Variants in CR2 observed in about 807,000 individuals in gnomAD.
CR2 encodes the protein complement C3d receptor 2, also known as complement receptor type 2.
CR2 carries 96 observed loss-of-function variants against 123.0 expected under a neutral mutation model. The observed-to-expected ratio is 0.78, with a 90% CI of 0.66 to 0.93. The LOEUF (loss-of-function observed/expected upper bound fraction) is 0.93. Ranked by LOEUF, CR2 falls within the 40% of genes least tolerant of loss-of-function variation. The pLI, the probability that CR2 is intolerant of heterozygous loss-of-function variation, is 0.00. For missense variants in CR2, 1,258 were observed against 1,361.0 expected, an observed-to-expected ratio of 0.92 and a Z score of 1.19; for synonymous variants, 484 against 469.5, an observed-to-expected ratio of 1.03 and a Z score of -0.40.
At chr1:207,467,851 ATTAG>A (rs1314287168) in intron 2 of CR2, among the ~76,000 whole-genome samples, 1 of 152,228 alleles carries the variant, frequency 6.6e-6, no homozygotes, top group Non-Finnish European at 1.5e-5. Context: ...TAGAATATGT[ATTAG>A]TTGTACACAC....
intron 18 of CR2, among the ~76,000 whole-genome samples, chr1:207,485,138 G>A (rs1219642343): frequency 6.6e-6 from 1 of 152,196 alleles, no homozygotes; most frequent in Non-Finnish European, 1.5e-5. Context: ...GTTGAACAAT[G>A]AGAACATGTG....
intron 6 of CR2, 101 bp downstream of exon 6, chr1:207,470,203 TC>T (rs1205654152): frequency 1.2e-5 from 15 of 1,293,164 alleles, no homozygotes; most frequent in Non-Finnish European, 1.6e-5. Flanking sequence ...AGTTTATACT[TC>T]CCTCAAATCT....
At chr1:207,457,925 A>G in intron 1 of CR2, among the ~76,000 whole-genome samples, 1 of 151,866 alleles carries the variant, frequency 6.6e-6, no homozygotes, top group East Asian at 1.9e-4. Context: ...ACTCATATTT[A>G]TTATCTATAG....
At chr1:207,461,503 C>T (rs1657967238) in intron 1 of CR2, among the ~76,000 whole-genome samples, 1 of 152,104 alleles carries the variant, frequency 6.6e-6, no homozygotes, top group Admixed American at 6.6e-5. Flanking sequence ...TTTAGACTTT[C>T]ATTCTAAAGA....
At position 207,470,854 on chromosome 1, in the gene CR2, G is replaced by A; in HGVS notation, c.1340G>A (p.Gly447Glu). Reference sequence around the variant, plus strand: ...TGTAACCCTGGCTATGTGCTGGTGGGAGAAGAATCCATACAGTGTACCTCT... The same window carrying A: ...TGTAACCCTGGCTATGTGCTGGTGGAAGAAGAATCCATACAGTGTACCTCT... The part of the protein sequence containing the change: ...YSCNPGYVLV[G>E]EESIQCTSEG... The change falls in exon 7 of 20, where the codon GGA (glycine) becomes GAA (glutamate). Residue 447 changes from glycine to glutamate, a missense_variant. Coordinates refer to ENST00000367057, the MANE Select transcript of CR2 (RefSeq NM_001006658.3). 6.2e-7 allele frequency: 1 copy of A among 1,613,890 alleles called. No homozygotes were observed. The highest frequency in any genetic ancestry group is 8.5e-7 in the Non-Finnish European group (1 of 1,179,890).
In CR2 at chr1:207,468,826, T is replaced by C. The variant is rs1325754252; in HGVS notation, c.661T>C (p.Phe221Leu). The C allele has an allele frequency of 6.2e-7, 1 of 1,614,066 alleles. No individual in the cohort carries two copies. The highest frequency in any genetic ancestry group is 1.7e-5 in the Admixed American group (1 of 60,000). Residue 221 changes from phenylalanine (F) to leucine (L), a missense_variant, in exon 4 of 20, where the codon TTT becomes CTT. By Grantham distance (22) the Phe-to-Leu change is conservative (BLOSUM62 0). Coordinates refer to ENST00000367057, the MANE Select transcript of CR2 (RefSeq NM_001006658.3). ...GGCACGCTGTAAATCTCTAGGACGA[T>C]TTCCCAATGGGAAGGTAAAGGAGCC... The part of the protein sequence containing the change: ...EEARCKSLGR[F>L]PNGKVKEPPI...
At chr1:207,483,953 G>C (rs1282605668) in intron 18 of CR2, among the ~76,000 whole-genome samples, 1 of 152,156 alleles carries the variant, frequency 6.6e-6, no homozygotes, top group Non-Finnish European at 1.5e-5. Context: ...TGAAGGAAGA[G>C]AGGCAGGGGG....
rs1219292112 is a variant in CR2, at chr1:207,470,870, G to A, written c.1356G>A (p.Gln452=). The A allele has an allele frequency of 6.2e-7, 1 of 1,613,900 alleles. No individual in the cohort carries two copies. The highest frequency in any genetic ancestry group is 8.5e-7 in the Non-Finnish European group (1 of 1,179,874). ...GYVLVGEESI[Q]CTSEGVWTPP... ...TGCTGGTGGGAGAAGAATCCATACA[G>A]TGTACCTCTGAGGGGGTGTGGACAC... is the stretch of plus-strand genomic sequence containing the variant. Residue 452 remains glutamine, a synonymous_variant, in exon 7 of 20, where the codon CAG becomes CAA. Transcript: ENST00000367057.
At chr1:207,468,323 T>C in intron 2 of CR2, 1 of 602,046 alleles carries the variant, frequency 1.7e-6, no homozygotes, top group Non-Finnish European at 2.9e-6. Context: ...TCATAAACTT[T>C]CTTAAACCAT....
Position 207,477,905 on chromosome 1 carries a change from G to A in CR2, c.2923G>A (p.Ala975Thr). Reference sequence around the variant, plus strand: ...TTCAGAGGTAAACTGTAGCTCACCAGCAGATATGGATGGAATCCAGAAAGG... The same window carrying A: ...TTCAGAGGTAAACTGTAGCTCACCAACAGATATGGATGGAATCCAGAAAGG... ...HCKEVNCSSP[A>T]DMDGIQKGLE... is the part of the protein sequence containing the mutation. The change falls in exon 16 of 20, where the codon GCA becomes ACA. Residue 975 changes from alanine to threonine, a missense_variant. By Grantham distance (58) the Ala-to-Thr change is moderately conservative. Transcript: ENST00000367057. 6.2e-7 allele frequency: 1 copy of A among 1,614,024 alleles called. No individual in the cohort carries two copies. The highest frequency in any genetic ancestry group is 8.5e-7 in the Non-Finnish European group (1 of 1,179,938).
At chr1:207,471,153 A>G (rs1658266121) in intron 8 of CR2, 66 bp downstream of exon 8, 3 of 1,489,848 alleles carry the variant, frequency 2.0e-6, no homozygotes, top group Non-Finnish European at 2.8e-6. Context: ...GGCTCTATGT[A>G]AGAGTTTGTA....
chr1:207,457,677 A>G (rs921545970), intron 1 of CR2, among the ~76,000 whole-genome samples: 2 of 152,176 alleles, frequency 1.3e-5, no homozygotes, highest in African/African-American at 4.8e-5. Context: ...TCAGTCTTTC[A>G]GCAAAAACTG....
chr1:207,458,294 C>G (rs536199082), intron 1 of CR2, among the ~76,000 whole-genome samples: 169 of 150,848 alleles, frequency 1.1e-3, no homozygotes, highest in Non-Finnish European at 2.2e-3. Flanking sequence ...TTTTTTTGGC[C>G]CTAAACTGTA....
Position 207,454,399 on chromosome 1 carries a change from G to A in CR2, c.-20G>A, listed in dbSNP as rs370036694. On this transcript the variant is annotated 5_prime_UTR_variant, in exon 1 of 20. Transcript: ENST00000367057. This position sits in a 1 kb window ranked among gnomAD's most constrained non-coding sequence, Gnocchi z 4.3. ...CGCGGGTCTCGGAACGCATCCCGCC[G>A]CGGGGGCTTCGGCCGTGGCATGGGC... The A allele has an allele frequency of 8.9e-6, 14 of 1,570,036 alleles. No individual in the cohort carries two copies. Among genetic ancestry groups the A allele is most frequent in the African/African-American group, 4.0e-5 (3 of 74,264 alleles).
At chr1:207,488,307 C>G (rs1337591380) in intron 19 of CR2, among the ~76,000 whole-genome samples, 1 of 152,180 alleles carries the variant, frequency 6.6e-6, no homozygotes, top group Non-Finnish European at 1.5e-5. Flanking sequence ...TGAGTTTAAA[C>G]TGCTTTCTCC....
intron 1 of CR2, among the ~76,000 whole-genome samples, chr1:207,465,239 A>G (rs963290703): frequency 1.3e-5 from 2 of 152,146 alleles, no homozygotes; most frequent in African/African-American, 2.4e-5. Flanking sequence ...CTAGTTAAAG[A>G]GTTTAAAAGT....
At position 207,463,814 on chromosome 1, in the gene CR2, C is replaced by T. The variant is rs185875709; in HGVS notation, c.59-2712C>T. ...TATTGTAACCTGGGATAATGACATG[C>T]CTTTTAATGAATGTAAGTAAAACAA... On this transcript the variant is annotated intron_variant, in intron 1 of 19. Coordinates refer to ENST00000367057, the MANE Select transcript of CR2 (RefSeq NM_001006658.3). 3.9e-5 allele frequency among the ~76,000 whole-genome samples: 6 copies of T among 152,078 alleles called. No homozygotes were observed. In the South Asian group the frequency reaches 1.0e-3, roughly 26 times the overall value.
rs1400282279 is a variant in CR2 at position 207,466,829 on chromosome 1, A to C, written c.362A>C (p.Asn121Thr). ...TCTGTGACATTTGCCTGTAAAACCA[A>C]CTTCTCCATGAACGGAAACAAGTCT... ...GDSVTFACKT[N>T]FSMNGNKSVW... Residue 121 changes from asparagine to threonine, a missense_variant, in exon 2 of 20, where the codon AAC becomes ACC. Asn to Thr is a moderately conservative substitution (Grantham distance 65). Transcript: ENST00000367057. The C allele has an allele frequency of 1.2e-6, 2 of 1,613,322 alleles. No individual in the cohort carries two copies. The highest frequency in any genetic ancestry group is 1.7e-6 in the Non-Finnish European group (2 of 1,179,788).
intron 18 of CR2, among the ~76,000 whole-genome samples, chr1:207,482,291 A>G (rs895216481): frequency 2.0e-5 from 3 of 152,218 alleles, no homozygotes; most frequent in Admixed American, 1.3e-4. Flanking sequence ...AAATTAGTTT[A>G]TAAAGATACT....
Sources: allele counts gnomAD v4.1 joint callset (sites outside exome capture counted in the v4.1 genomes callset), GRCh38; gene constraint gnomAD v4.1.1; non-coding constraint Gnocchi (gnomAD v3.1); transcripts MANE v1.5; gene names NCBI Gene and HGNC (gene_info 2026-07-23, HGNC 2026-07-21).